The following PRH1 variants were observed in gnomAD, a reference collection of about 807,000 sequenced individuals.
PRH1 encodes proline rich protein HaeIII subfamily 1.
In PRH1, 7 loss-of-function variants were observed where a neutral mutation model predicts 7.9. The ratio of observed to expected loss-of-function variants is 0.89; its 90% CI spans 0.50 to 1.67. The LOEUF (loss-of-function observed/expected upper bound fraction) is 1.67, where lower values mean the gene tolerates loss of function less well. Among genes scored for constraint, PRH1 ranks in the 40% most tolerant of loss-of-function variants. The probability of loss-of-function intolerance (pLI) is 0.00; values close to 1 mark genes in which losing one functional copy is unlikely to be tolerated. For synonymous variants in PRH1, 45 were observed against 80.8 expected (o/e 0.56, Z 2.38); for missense variants, 109 against 223.6 (o/e 0.49, Z 3.27).
chr12:10,950,393 A>C (rs1209033355), intron 2 of PRH1, among the ~76,000 whole-genome samples: 1 of 152,030 alleles, frequency 6.6e-6, no homozygotes, highest in Non-Finnish European at 1.5e-5. Context: ...TCAAAGAATA[A>C]TTTTTGCACT....
At chr12:11,117,163 A>C (rs904890074), downstream of PRH1, among the ~76,000 whole-genome samples, 1 of 152,162 alleles carries the variant, frequency 6.6e-6, no homozygotes, top group African/African-American at 2.4e-5. Context: ...TATATTTGTA[A>C]AACCTGAAGA....
chr12:10,979,334 G>GA (rs150484771), intron 1 of PRH1, among the ~76,000 whole-genome samples: 17,873 of 152,202 alleles, frequency 0.12, 1,176 homozygotes, highest in Non-Finnish European at 0.15. Context: ...GTGATTTAGT[G>GA]ATATTTGAGG....
At chr12:10,951,163 T>C (rs1950564189) in intron 2 of PRH1, among the ~76,000 whole-genome samples, 1 of 152,176 alleles carries the variant, frequency 6.6e-6, no homozygotes, top group Non-Finnish European at 1.5e-5. Context: ...TAGGCTTTTT[T>C]CATAATAATT....
chr12:11,154,822 AGAG>A lies in PRH1; in HGVS notation n.39+16597_39+16599del, dbSNP rs1232494926. Reference sequence around the variant, plus strand: ...TTTCTTAATCAGATAAGGAAATTCCAGAGAGAATTCCCTCTGGTGCTTCAGGAA... The same window carrying A: ...TTTCTTAATCAGATAAGGAAATTCCAAGAATTCCCTCTGGTGCTTCAGGAA... On this transcript the variant is annotated intron_variant and non_coding_transcript_variant, in intron 1 of 1. Transcript: ENST00000541175. Among the ~76,000 whole-genome samples the A allele has an allele frequency of 2.6e-5, 4 of 152,334 alleles. No homozygotes were observed. The East Asian group carries it at 7.7e-4, about 29-fold the overall frequency.
intron 2 of PRH1, among the ~76,000 whole-genome samples, chr12:10,967,788 T>C (rs969599890): frequency 4.6e-5 from 7 of 152,238 alleles, no homozygotes; most frequent in African/African-American, 1.7e-4. Flanking sequence ...TTGTATTCCA[T>C]GAATTAACTT....
intron 1 of PRH1, among the ~76,000 whole-genome samples, chr12:11,041,300 A>G (rs1942698599): frequency 6.8e-6 from 1 of 146,904 alleles, no homozygotes; most frequent in Non-Finnish European, 1.5e-5. Context: ...AAAAAAAAAA[A>G]AAAAAAAAAA....
chr12:10,986,116 C>A, intron 1 of PRH1: 1 of 1,614,004 alleles, frequency 6.2e-7, no homozygotes, highest in Non-Finnish European at 8.5e-7. Flanking sequence ...GGACTCCAAA[C>A]CGAAACGATT....
chr12:11,037,882 A>G (rs1215209350), intron 1 of PRH1, among the ~76,000 whole-genome samples: 1 of 152,200 alleles, frequency 6.6e-6, no homozygotes, highest in Admixed American at 6.5e-5. Flanking sequence ...TCTAAAAAAA[A>G]ATAGAAAAAA....
chr12:11,099,151 C>T (rs1341593876), intron 1 of PRH1, among the ~76,000 whole-genome samples: 1 of 152,142 alleles, frequency 6.6e-6, no homozygotes, highest in East Asian at 1.9e-4. Flanking sequence ...CTACCTTTCC[C>T]CTGAACTTGG....
chr12:11,065,149 G>C (rs536133906), intron 1 of PRH1, among the ~76,000 whole-genome samples: 1 of 152,224 alleles, frequency 6.6e-6, no homozygotes, highest in East Asian at 1.9e-4. Context: ...CTGAAGGCAT[G>C]ATTCCATTGA....
intron 2 of PRH1, among the ~76,000 whole-genome samples, chr12:10,901,119 C>T (rs1043367912): frequency 2.6e-5 from 4 of 152,190 alleles, no homozygotes; most frequent in African/African-American, 9.7e-5. Context: ...GCTGCCTCAC[C>T]CTTCCCGTTC....
chr12:10,906,672 C>T (rs1022313015), intron 2 of PRH1, among the ~76,000 whole-genome samples: 16 of 152,218 alleles, frequency 1.1e-4, no homozygotes, highest in African/African-American at 3.4e-4. Context: ...AAGGGGTTTC[C>T]CCTTTCGCTT....
chr12:10,892,355 A>T (rs976493680), intron 2 of PRH1, among the ~76,000 whole-genome samples: 1 of 152,202 alleles, frequency 6.6e-6, no homozygotes, highest in Non-Finnish European at 1.5e-5. Context: ...AACTAAATCC[A>T]TCAGAAGTAA....
In PRH1 at chr12:10,997,516, G is replaced by A. The variant is rs151128786; in HGVS notation, c.-125-23795C>T. On this transcript the variant is annotated intron_variant, in intron 1 of 3. Coordinates refer to the PRH1 transcript ENST00000539853. The stretch of plus-strand genomic sequence containing the variant: ...CTACACTCTTAGCCTTCCTTTTTAA[G>A]TGATGAAAAATAAGTCTGGAGAAAT... 5.1e-5 allele frequency: 82 copies of A among 1,613,896 alleles called. No homozygotes were observed. In the Middle Eastern group the frequency reaches 1.2e-3, roughly 23 times the overall value.
At chr12:11,008,019 C>G (rs1301204306) in intron 1 of PRH1, among the ~76,000 whole-genome samples, 1 of 151,978 alleles carries the variant, frequency 6.6e-6, no homozygotes. Context: ...ATATGTCTAC[C>G]CTTGTTGTGT....
intron 2 of PRH1, among the ~76,000 whole-genome samples, chr12:10,973,007 A>G (rs1264274942): frequency 6.6e-6 from 1 of 150,490 alleles, no homozygotes; most frequent in Non-Finnish European, 1.5e-5. Context: ...AATGAAGAAT[A>G]AATTTCAGGG....
At chr12:10,980,141 A>G (rs934847770) in intron 1 of PRH1, among the ~76,000 whole-genome samples, 1 of 152,216 alleles carries the variant, frequency 6.6e-6, no homozygotes, top group Non-Finnish European at 1.5e-5. Flanking sequence ...AAGAGAAAGA[A>G]AAAACATAAA....
intron 1 of PRH1, among the ~76,000 whole-genome samples, chr12:11,063,403 T>C (rs1235390507): frequency 6.6e-6 from 1 of 152,128 alleles, no homozygotes; most frequent in South Asian, 2.1e-4. Context: ...ACCTGGCTAG[T>C]ACACTGTTCC....
chr12:11,096,972 G>A (rs182192862), intron 1 of PRH1, among the ~76,000 whole-genome samples: 1,410 of 113,244 alleles, frequency 0.012, 338 homozygotes, highest in African/African-American at 0.04. Context: ...TAATTTTTTC[G>A]TATTTTTAGT....
Sources: gnomAD v4.1 joint callset for allele counts (sites outside exome capture counted in the v4.1 genomes callset) on GRCh38, gnomAD v4.1.1 for gene constraint, MANE v1.5 for transcripts, NCBI Gene and HGNC (gene_info 2026-07-23, HGNC 2026-07-21) for gene names.